Variants in FARS2 observed in about 807,000 individuals in gnomAD.
FARS2 encodes the protein phenylalanine--tRNA ligase, mitochondrial.
Under a neutral mutation model 46.4 loss-of-function variants are expected in FARS2, and 40 were observed. That is an observed-to-expected ratio of 0.86 (90% CI 0.67 to 1.12). The LOEUF (loss-of-function observed/expected upper bound fraction) is 1.12, where lower values mean the gene tolerates loss of function less well. Ranked by LOEUF, FARS2 falls within the 50% of genes most tolerant of loss-of-function variation. The pLI is 0.00. For missense variants in FARS2, 513 were observed against 567.9 expected (o/e 0.90, Z 0.98); for synonymous variants, 234 against 214.9 (o/e 1.09, Z -0.78).
chr6:5,705,077 A>C (rs1758659239), intron 6 of FARS2, among the ~76,000 whole-genome samples: 1 of 152,202 alleles, frequency 6.6e-6, no homozygotes, highest in Non-Finnish European at 1.5e-5. Context: ...AGAATGAATT[A>C]AAATAACAGT....
At chr6:5,366,441 A>G (rs977961394) in intron 1 of FARS2, among the ~76,000 whole-genome samples, 8 of 152,220 alleles carry the variant, frequency 5.3e-5, no homozygotes, top group Non-Finnish European at 1.0e-4. Context: ...CTAGTCATCC[A>G]TCTCTCTCTG....
chr6:5,709,703 TGCAC>T (rs1374254843), intron 6 of FARS2, among the ~76,000 whole-genome samples: 2 of 13,820 alleles, frequency 1.4e-4, no homozygotes, highest in African/African-American at 4.8e-4. Context: ...TGTGTGCGCA[TGCAC>T]GTGCATGTTG....
At chr6:5,650,267 T>C (rs1777287338) in intron 6 of FARS2, among the ~76,000 whole-genome samples, 1 of 150,230 alleles carries the variant, frequency 6.7e-6, no homozygotes, top group Non-Finnish European at 1.5e-5. Flanking sequence ...TTCTTTTTTT[T>C]TTTTTTTTTT....
At chr6:5,616,022 A>AC (rs1200666060) in intron 6 of FARS2, among the ~76,000 whole-genome samples, 1 of 150,820 alleles carries the variant, frequency 6.6e-6, no homozygotes, top group Non-Finnish European at 1.5e-5. Flanking sequence ...AAAAAAAAAA[A>AC]AAAAAAAAAA....
At chr6:5,492,204 A>T (rs1040254905) in intron 4 of FARS2, among the ~76,000 whole-genome samples, 7 of 152,242 alleles carry the variant, frequency 4.6e-5, no homozygotes, top group Admixed American at 2.6e-4. Context: ...ACTACCAAAC[A>T]ACACTTTGAA....
At chr6:5,398,671 A>G (rs1195643987) in intron 2 of FARS2, among the ~76,000 whole-genome samples, 1 of 152,170 alleles carries the variant, frequency 6.6e-6, no homozygotes, top group African/African-American at 2.4e-5. Flanking sequence ...CAGAGCTAGG[A>G]AATACATATA....
intron 6 of FARS2, among the ~76,000 whole-genome samples, chr6:5,761,474 T>C (rs539303706): frequency 6.6e-6 from 1 of 152,178 alleles, no homozygotes; most frequent in African/African-American, 2.4e-5. Context: ...ATTGCTTGAG[T>C]TGGAAACGTA....
chr6:5,431,636 CT>C (rs1763173224), intron 4 of FARS2: 1 of 532,592 alleles, frequency 1.9e-6, no homozygotes, highest in Non-Finnish European at 3.8e-6. Context: ...ACTTAGGCCC[CT>C]AATGCTTAAT....
At chr6:5,376,798 A>G (rs1253668721) in intron 2 of FARS2, among the ~76,000 whole-genome samples, 1 of 152,158 alleles carries the variant, frequency 6.6e-6, no homozygotes, top group Non-Finnish European at 1.5e-5. Context: ...ATTCTTTCTC[A>G]TCTGTCTTTG....
At chr6:5,771,164 T>C in intron 6 of FARS2, 127 bp from the exon 7 acceptor site, 1 of 971,482 alleles carries the variant, frequency 1.0e-6, no homozygotes, top group Non-Finnish European at 1.6e-6. Context: ...TAGCGGTAAA[T>C]GGTACCTGGA....
upstream of FARS2, chr6:5,261,060 G>A (rs1020322673): frequency 2.1e-5 from 14 of 674,900 alleles, no homozygotes; most frequent in Non-Finnish European, 2.4e-5. Context: ...CGGGAGGGCG[G>A]GGAAATAAGA....
At chr6:5,306,897 A>G (rs1047202460) in intron 1 of FARS2, among the ~76,000 whole-genome samples, 1 of 151,994 alleles carries the variant, frequency 6.6e-6, no homozygotes, top group African/African-American at 2.4e-5. Context: ...TTTTGAAAGG[A>G]TTAACATTTT....
At chr6:5,513,447 G>A (rs1344030405) in intron 4 of FARS2, among the ~76,000 whole-genome samples, 2 of 152,208 alleles carry the variant, frequency 1.3e-5, no homozygotes, top group African/African-American at 4.8e-5. Context: ...GAAGGCCATG[G>A]GAGGCCACCT....
chr6:5,457,850 T>C (rs1435983795), intron 4 of FARS2: 1 of 152,202 alleles, frequency 6.6e-6, no homozygotes, highest in Admixed American at 6.5e-5. Context: ...AGCATTGTAA[T>C]ATTAGAAAGC....
intron 2 of FARS2, among the ~76,000 whole-genome samples, chr6:5,401,197 A>G (rs552623832): frequency 2.4e-4 from 36 of 152,208 alleles, no homozygotes; most frequent in Admixed American, 7.2e-4. Context: ...TTATCATAAT[A>G]TATTGTGGTG....
chr6:5,713,156 A>T (rs1759286720), intron 6 of FARS2, among the ~76,000 whole-genome samples: 1 of 152,128 alleles, frequency 6.6e-6, no homozygotes, highest in Non-Finnish European at 1.5e-5. Context: ...ACTCTCTTTA[A>T]CTTGACCTGG....
intron 1 of FARS2, among the ~76,000 whole-genome samples, chr6:5,360,016 TG>T (rs1758200356): frequency 6.6e-6 from 1 of 152,234 alleles, no homozygotes; most frequent in African/African-American, 2.4e-5. Context: ...TATCAGGGCC[TG>T]CAATCAGTTC....
At chr6:5,577,276 A>C (rs1374372975) in intron 5 of FARS2, among the ~76,000 whole-genome samples, 1 of 152,184 alleles carries the variant, frequency 6.6e-6, no homozygotes, top group African/African-American at 2.4e-5. Flanking sequence ...GAGAAGCAAT[A>C]ATAAACCCTG....
intron 4 of FARS2, among the ~76,000 whole-genome samples, chr6:5,543,843 T>C (rs1770781944): frequency 6.6e-6 from 1 of 151,696 alleles, no homozygotes; most frequent in African/African-American, 2.4e-5. Flanking sequence ...CTATCACTTT[T>C]CTCTACATTT....
Sources: gnomAD v4.1 joint callset for allele counts (sites outside exome capture counted in the v4.1 genomes callset) on GRCh38, gnomAD v4.1.1 for gene constraint, MANE v1.5 for transcripts, NCBI Gene and HGNC (gene_info 2026-07-23, HGNC 2026-07-21) for gene names.